FLVCR1: variants seen among roughly 807,000 people sequenced by gnomAD.
FLVCR1 encodes the protein choline/ethanolamine transporter FLVCR1.
Under a neutral mutation model 53.6 loss-of-function variants are expected in FLVCR1, and 34 were observed. That is an observed-to-expected ratio of 0.63 (90% confidence interval 0.48 to 0.84). The LOEUF (loss-of-function observed/expected upper bound fraction) is 0.84. Among genes scored for constraint, FLVCR1 ranks in the 40% least tolerant of loss-of-function variants. The pLI, the probability that FLVCR1 is intolerant of heterozygous loss-of-function variation, is 0.00. For synonymous variants in FLVCR1, 300 were observed against 286.3 expected, an observed-to-expected ratio of 1.05 and a Z score of -0.48; for missense variants, 677 against 696.7, an observed-to-expected ratio of 0.97 and a Z score of 0.32.
In FLVCR1 at chr1:212,895,266, C is replaced by A; in HGVS notation, c.1644C>A (p.Ser548=). The A allele has an allele frequency of 6.2e-7, 1 of 1,613,260 alleles. No homozygotes were observed. Among genetic ancestry groups the A allele is most frequent in the Non-Finnish European group, 8.5e-7 (1 of 1,179,398 alleles). The change falls in exon 10 of 10, where the codon TCC becomes TCA. Residue 548 remains serine (S), a synonymous_variant. Transcript: ENST00000366971. ...AAGAACCAAAAACGGTTATGTTGTC[C>A]AAGCAGTCAGAATCAGCAATTTGAA... The part of the protein sequence containing the change: ...TDQEPKTVML[S]KQSESAI
chr1:212,887,774 CAAG>C, intron 5 of FLVCR1, 114 bp from the exon 6 acceptor site: 1 of 639,210 alleles, frequency 1.6e-6, no homozygotes, highest in Non-Finnish European at 2.8e-6. Flanking sequence ...TTTCCATGGA[CAAG>C]AAGGGGTGAA....
chr1:212,878,327 C>G (rs1197398156), intron 3 of FLVCR1, among the ~76,000 whole-genome samples: 1 of 151,850 alleles, frequency 6.6e-6, no homozygotes, highest in East Asian at 1.9e-4. Flanking sequence ...ATGGTGAAAC[C>G]CTGTCTCTTC....
At chr1:212,868,635 C>T (rs1664514688) in intron 2 of FLVCR1, among the ~76,000 whole-genome samples, 1 of 151,486 alleles carries the variant, frequency 6.6e-6, no homozygotes, top group Non-Finnish European at 1.5e-5. Flanking sequence ...ATTCAAACTC[C>T]TGACCTCAGG....
chr1:212,895,055 TA>T lies in FLVCR1; in HGVS notation c.1593+4del. On this transcript the variant is annotated splice_donor_region_variant and intron_variant, in intron 9 of 9. Transcript: ENST00000366971. Reference sequence around the variant, plus strand: ...ATTACAAATGTTGATGTTAAAGCTGTAAGTAATATTTTTATGATTATACTGT... The same window carrying T: ...ATTACAAATGTTGATGTTAAAGCTGTAGTAATATTTTTATGATTATACTGT... 1 of 1,532,688 alleles carries T rather than the reference TA, an allele frequency of 6.5e-7. No homozygotes were observed. Among genetic ancestry groups the T allele is most frequent in the Non-Finnish European group, 9.0e-7 (1 of 1,105,904 alleles). 94.9% of individuals were successfully genotyped at this position (1,532,688 alleles called of 1,614,324 possible).
intron 2 of FLVCR1, among the ~76,000 whole-genome samples, chr1:212,871,631 A>T (rs1664599136): frequency 6.6e-6 from 1 of 152,012 alleles, no homozygotes; most frequent in South Asian, 2.1e-4. Flanking sequence ...TGATGGACCC[A>T]CTTTGACCTC....
At position 212,895,007 on chromosome 1, in the gene FLVCR1, GA is replaced by G; in HGVS notation, c.1549del (p.Arg517AspfsTer4). ...TCAGCATTAATCAAGTCTGATCTGC[GA>G]AGACACAACATAAATATAGGAATTA... ...ILTALIKSDL[R>X]RHNINIGITN... On this transcript the variant is annotated frameshift_variant, in exon 9 of 10. Coordinates refer to ENST00000366971, the MANE Select transcript of FLVCR1 (RefSeq NM_014053.4). LOFTEE classifies it high-confidence loss of function. 1 of 1,604,184 alleles carries G rather than the reference GA, an allele frequency of 6.2e-7. No homozygotes were observed. Among genetic ancestry groups the G allele is most frequent in the Non-Finnish European group, 8.5e-7 (1 of 1,171,114 alleles).
intron 3 of FLVCR1, among the ~76,000 whole-genome samples, chr1:212,883,037 A>C (rs1021938821): frequency 6.6e-6 from 1 of 152,230 alleles, no homozygotes; most frequent in African/African-American, 2.4e-5. Flanking sequence ...GGAATTCAGT[A>C]AACAATCCAT....
At chr1:212,886,958 A>G (rs1665081361) in intron 5 of FLVCR1, among the ~76,000 whole-genome samples, 4 of 152,190 alleles carry the variant, frequency 2.6e-5, no homozygotes, top group Admixed American at 2.6e-4. Context: ...GAATCACCAC[A>G]TTTTGTAACA....
At position 212,863,946 on chromosome 1, in the gene FLVCR1, G is replaced by A. The variant is rs537176736; in HGVS notation, c.883+77G>A. 1.7e-4 allele frequency: 210 copies of A among 1,234,396 alleles called. 1 individual carries two copies. The South Asian group carries it at 2.4e-3, about 14-fold the overall frequency. 76.5% of individuals were successfully genotyped at this position (1,234,396 alleles called of 1,614,324 possible). A position where few individuals can be genotyped will look rare whatever the true frequency, so the allele number is the denominator to read the frequency against. ...AGAATAACTAACTCTGGAAATTTTT[G>A]TTGATAATATCTCAAGTGTCATGTG... On this transcript the variant is annotated intron_variant, in intron 2 of 9. Transcript: ENST00000366971.
intron 2 of FLVCR1, among the ~76,000 whole-genome samples, chr1:212,869,167 C>T (rs538108935): frequency 2.6e-5 from 4 of 152,292 alleles, no homozygotes; most frequent in East Asian, 1.9e-4. Flanking sequence ...ATGTGGTGCT[C>T]GAGAATATTT....
chr1:212,891,973 G>A (rs1558122209), intron 8 of FLVCR1, among the ~76,000 whole-genome samples: 1 of 152,210 alleles, frequency 6.6e-6, no homozygotes, highest in Non-Finnish European at 1.5e-5. Context: ...CCACAACATC[G>A]CCGTAAGCCA....
At chr1:212,865,809 TTCTC>T (rs1268881233) in intron 2 of FLVCR1, among the ~76,000 whole-genome samples, 2 of 147,070 alleles carry the variant, frequency 1.4e-5, no homozygotes, top group African/African-American at 5.0e-5. Context: ...AAGTATAGAA[TTCTC>T]TCTCTTTTTT....
intron 4 of FLVCR1, among the ~76,000 whole-genome samples, chr1:212,884,448 G>A (rs1396635107): frequency 6.6e-6 from 1 of 152,036 alleles, no homozygotes; most frequent in Non-Finnish European, 1.5e-5. Context: ...GAAAGCAGAA[G>A]TTACTATCCC....
Position 212,863,833 on chromosome 1 carries a change from G to C in FLVCR1, c.847G>C (p.Ala283Pro), listed in dbSNP as rs777525949. The C allele has an allele frequency of 7.4e-6, 12 of 1,613,660 alleles. No homozygotes were observed. The highest frequency in any genetic ancestry group is 1.0e-5 in the Non-Finnish European group (12 of 1,179,704). The change falls in exon 2 of 10, where the codon GCT becomes CCT. Residue 283 changes from alanine (A) to proline (P), a missense_variant. Coordinates refer to ENST00000366971, the MANE Select transcript of FLVCR1 (RefSeq NM_014053.4). ...CAGCACCATGTTTTATGGAACATCAGCTGTTGCCACACTTTTATTTATTTT... is the reference window on the plus strand; with the variant it reads ...CAGCACCATGTTTTATGGAACATCACCTGTTGCCACACTTTTATTTATTTT... The part of the protein sequence containing the change: ...NISTMFYGTS[A>P]VATLLFILTA...
chr1:212,872,647 T>A, intron 2 of FLVCR1, 31 bp from the exon 3 acceptor site: 1 of 1,480,812 alleles, frequency 6.8e-7, no homozygotes, highest in East Asian at 2.3e-5. Flanking sequence ...ATATATTAAA[T>A]ATACATAATC....
intron 1 of FLVCR1, among the ~76,000 whole-genome samples, chr1:212,859,595 G>C (rs1399332394): frequency 6.6e-6 from 1 of 152,060 alleles, no homozygotes; most frequent in East Asian, 1.9e-4. Flanking sequence ...GCGGGTATCT[G>C]TAGTCCCAGC....
rs1665340763 is a variant in FLVCR1 at position 212,896,631 on chromosome 1, G to A, written c.*1341G>A. On this transcript the variant is annotated 3_prime_UTR_variant, in exon 10 of 10. Coordinates refer to ENST00000366971, the MANE Select transcript of FLVCR1 (RefSeq NM_014053.4). ...CATAAAATTTACATTATGTTCATAT[G>A]CACCCAAAAAAGCTAGTCAGGTAAT... 6.6e-6 allele frequency: 1 copy of A among 151,952 alleles called. No homozygotes were observed. Among genetic ancestry groups the A allele is most frequent in the East Asian group, 1.9e-4 (1 of 5,204 alleles). 9.4% of individuals were successfully genotyped at this position (151,952 alleles called of 1,614,324 possible).
chr1:212,881,394 A>G (rs1466347731), intron 3 of FLVCR1, among the ~76,000 whole-genome samples: 1 of 145,162 alleles, frequency 6.9e-6, no homozygotes, highest in Non-Finnish European at 1.5e-5. Flanking sequence ...GCTGGAGTGC[A>G]GTGGCACAAT....
chr1:212,892,093 A>C (rs1665207852), intron 8 of FLVCR1, among the ~76,000 whole-genome samples: 1 of 152,254 alleles, frequency 6.6e-6, no homozygotes, highest in South Asian at 2.1e-4. Flanking sequence ...TCATGAGGTA[A>C]GGAAAGAAGT....
Sources: gnomAD v4.1 joint callset for allele counts (sites outside exome capture counted in the v4.1 genomes callset) on GRCh38, gnomAD v4.1.1 for gene constraint, MANE v1.5 for transcripts, NCBI Gene and HGNC (gene_info 2026-07-23, HGNC 2026-07-21) for gene names.